PTPRN2: variants seen among roughly 807,000 people sequenced by gnomAD.
PTPRN2 encodes receptor-type tyrosine-protein phosphatase N2.
Under a neutral mutation model 118.8 loss-of-function variants are expected in PTPRN2, and 74 were observed. That is an observed-to-expected ratio of 0.62 (90% CI 0.52 to 0.76). PTPRN2 has a LOEUF of 0.76. PTPRN2 is among the 30% of genes least tolerant of loss of function. PTPRN2 has a pLI of 0.00. For missense variants in PTPRN2, 1,481 were observed against 1,394.4 expected (o/e 1.06, Z -0.99); for synonymous variants, 641 against 608.0 (o/e 1.05, Z -0.80).
At chr7:158,564,573 C>T (rs546140794) in intron 1 of PTPRN2, among the ~76,000 whole-genome samples, 5 of 152,358 alleles carry the variant, frequency 3.3e-5, no homozygotes, top group East Asian at 1.9e-4. Flanking sequence ...AGCCAGGAGA[C>T]GGGTGCATGC....
At chr7:158,192,886 G>A (rs760514703) in intron 4 of PTPRN2, among the ~76,000 whole-genome samples, 2 of 152,196 alleles carry the variant, frequency 1.3e-5, no homozygotes, top group Non-Finnish European at 2.9e-5. Flanking sequence ...GGGGCCCAAG[G>A]CTTGGCATGG....
chr7:158,273,593 T>G (rs954366997), intron 3 of PTPRN2, among the ~76,000 whole-genome samples: 12 of 31,184 alleles, frequency 3.8e-4, no homozygotes, highest in Non-Finnish European at 5.3e-4. Context: ...CAGACAGACA[T>G]GGGAGGAGCC....
chr7:157,798,980 A>C (rs1331142134), intron 12 of PTPRN2, among the ~76,000 whole-genome samples: 3 of 152,172 alleles, frequency 2.0e-5, no homozygotes, highest in Non-Finnish European at 4.4e-5. Flanking sequence ...TGCCATCTTC[A>C]ATACCACCCC....
chr7:157,844,220 GCA>G (rs1808638857), intron 12 of PTPRN2, among the ~76,000 whole-genome samples: 1 of 152,244 alleles, frequency 6.6e-6, no homozygotes, highest in African/African-American at 2.4e-5. Flanking sequence ...ACGTGTCTCT[GCA>G]GGAAAGGGAA....
intron 12 of PTPRN2, among the ~76,000 whole-genome samples, chr7:157,693,111 C>A (rs1797594878): frequency 1.4e-5 from 2 of 147,966 alleles, no homozygotes; most frequent in South Asian, 4.5e-4. Flanking sequence ...GAGGAGGACT[C>A]GGGAGCCGGG....
chr7:157,658,458 G>A lies in PTPRN2; in HGVS notation c.2002-1907C>T, dbSNP rs558362683. On this transcript the variant is annotated intron_variant, in intron 13 of 22. Coordinates refer to ENST00000389418, the MANE Select transcript of PTPRN2 (RefSeq NM_002847.5). ...TTACACCCCAAGACAGCTTCTGAGGGATCACTGCAGGGTCTTCGACCCTCC... is the reference window on the plus strand; with the variant it reads ...TTACACCCCAAGACAGCTTCTGAGGAATCACTGCAGGGTCTTCGACCCTCC... Among the ~76,000 whole-genome samples, 64 of 152,296 alleles carry A rather than the reference G, an allele frequency of 4.2e-4. 1 individual carries two copies. The highest frequency in any genetic ancestry group is 1.4e-3 in the African/African-American group (57 of 41,562).
intron 3 of PTPRN2, among the ~76,000 whole-genome samples, chr7:158,274,444 G>A (rs113454185): frequency 2.1e-4 from 25 of 117,608 alleles, no homozygotes; most frequent in Admixed American, 5.3e-4. Flanking sequence ...GGGAGGAGCC[G>A]CAGACACGGG....
intron 6 of PTPRN2, among the ~76,000 whole-genome samples, chr7:158,144,552 T>C (rs1055684231): frequency 6.6e-6 from 1 of 152,092 alleles, no homozygotes; most frequent in African/African-American, 2.4e-5. Context: ...ACCAGGAGAA[T>C]TGCTTGAACC....
rs930397263 is a variant in PTPRN2 at position 157,903,134 on chromosome 7, G to A, written c.1724-4397C>T. On this transcript the variant is annotated intron_variant, in intron 11 of 22. Transcript: ENST00000389418. This position sits in a 1 kb window ranked among gnomAD's most constrained non-coding sequence, Gnocchi z 4.2. ...AGACATCATCAGAGAGCCACACGCT[G>A]CCACACACTCTCGCACGGAAGTGGG... Among the ~76,000 whole-genome samples, 1 of 152,088 alleles carries A rather than the reference G, an allele frequency of 6.6e-6. No homozygotes were observed. The highest frequency in any genetic ancestry group is 2.4e-5 in the African/African-American group (1 of 41,408).
At chr7:157,549,739 G>A (rs951011855) in intron 21 of PTPRN2, among the ~76,000 whole-genome samples, 4 of 152,226 alleles carry the variant, frequency 2.6e-5, no homozygotes, top group African/African-American at 9.6e-5. Flanking sequence ...GAGCAAGACA[G>A]GGTCCCGACC....
rs143411640 is a variant in PTPRN2 at position 158,586,298 on chromosome 7, T to C, written c.112+1260A>G. ...AACTCAGGAGTCCAGGGAGACTGTG[T>C]CAAGACTCCTGGTTCTCTGCAGTTT... On this transcript the variant is annotated intron_variant, in intron 1 of 22. Coordinates refer to ENST00000389418, the MANE Select transcript of PTPRN2 (RefSeq NM_002847.5). Among the ~76,000 whole-genome samples the C allele has an allele frequency of 4.8e-3, 726 of 152,342 alleles. 3 individuals are homozygous for C. The highest frequency in any genetic ancestry group is 0.017 in the African/African-American group (701 of 41,592).
At chr7:158,533,114 C>T (rs1193826961) in intron 1 of PTPRN2, among the ~76,000 whole-genome samples, 1 of 152,236 alleles carries the variant, frequency 6.6e-6, no homozygotes, top group Non-Finnish European at 1.5e-5. Context: ...CTCCAACAAC[C>T]ACGGGAGCTT....
chr7:158,164,978 C>T (rs986751971), intron 6 of PTPRN2, among the ~76,000 whole-genome samples: 1 of 99,668 alleles, frequency 1.0e-5, no homozygotes, highest in Non-Finnish European at 2.3e-5. Context: ...CAAGTGAAGA[C>T]CCCCTGATAG....
intron 11 of PTPRN2, among the ~76,000 whole-genome samples, chr7:158,013,018 C>G (rs1806155765): frequency 6.6e-6 from 1 of 152,200 alleles, no homozygotes; most frequent in Admixed American, 6.5e-5. Context: ...ATGTGCCCAT[C>G]CTTCCACCCA....
At chr7:158,541,552 T>C (rs375325337) in intron 1 of PTPRN2, 39 of 1,351,988 alleles carry the variant, frequency 2.9e-5, no homozygotes, top group African/African-American at 2.2e-4. Context: ...AACATCTTCA[T>C]AGTAGGAAAG....
At chr7:158,386,307 A>C (rs1162574965) in intron 2 of PTPRN2, among the ~76,000 whole-genome samples, 1 of 99,970 alleles carries the variant, frequency 1.0e-5, no homozygotes, top group Non-Finnish European at 1.9e-5. Flanking sequence ...CCGTGCCCCG[A>C]GTCCCTCCTC....
intron 3 of PTPRN2, among the ~76,000 whole-genome samples, chr7:158,301,404 G>C (rs974330664): frequency 2.6e-5 from 4 of 152,184 alleles, no homozygotes; most frequent in Non-Finnish European, 5.9e-5. Context: ...TATTTATTCA[G>C]AATTCCCAAG....
At chr7:157,747,023 T>A (rs1308292323) in intron 12 of PTPRN2, among the ~76,000 whole-genome samples, 1 of 140,530 alleles carries the variant, frequency 7.1e-6, no homozygotes, top group Non-Finnish European at 1.5e-5. Context: ...TGTGGGCTGT[T>A]GAGGTGATTC....
intron 19 of PTPRN2, among the ~76,000 whole-genome samples, chr7:157,572,582 C>CG (rs1799808524): frequency 6.6e-6 from 1 of 152,184 alleles, no homozygotes; most frequent in Non-Finnish European, 1.5e-5. Context: ...TGCTTGAATA[C>CG]GGCGGAGCCC....
Sources: gnomAD v4.1 joint callset for allele counts (sites outside exome capture counted in the v4.1 genomes callset) on GRCh38, gnomAD v4.1.1 for gene constraint, Gnocchi (gnomAD v3.1) non-coding constraint, MANE v1.5 for transcripts, NCBI Gene and HGNC (gene_info 2026-07-23, HGNC 2026-07-21) for gene names.